The following CDH11 variants were observed in gnomAD, a reference collection of about 807,000 sequenced individuals.
CDH11 encodes cadherin-11.
Under a neutral mutation model 67.8 loss-of-function variants are expected in CDH11, and 11 were observed. The ratio of observed to expected loss-of-function variants is 0.16; its 90% CI spans 0.10 to 0.27. The LOEUF is 0.27. Among genes scored for constraint, CDH11 ranks in the 10% least tolerant of loss-of-function variants. The pLI is 1.00. For synonymous variants in CDH11, 419 were observed against 400.0 expected (o/e 1.05, Z -0.57); for missense variants, 847 against 1,031.2 (o/e 0.82, Z 2.45).
intron 1 of CDH11, among the ~76,000 whole-genome samples, chr16:65,060,350 T>TAGAG (rs781392162): frequency 1.8e-4 from 25 of 140,322 alleles, no homozygotes; most frequent in South Asian, 1.1e-3. Context: ...TATATATATA[T>TAGAG]ATATAGAGAG....
In CDH11 at chr16:64,977,490, C is replaced by T. The variant is rs142045560; in HGVS notation, c.1254-4450G>A. 8.7e-4 allele frequency among the ~76,000 whole-genome samples: 133 copies of T among 152,174 alleles called. 1 individual carries two copies. Among genetic ancestry groups the T allele is most frequent in the African/African-American group, 2.8e-3 (115 of 41,520 alleles). ...CTTCTAAAAAGTTTCTAATGCACCT[C>T]GATATTCTAGGCCAGAGATAACTCA... On this transcript the variant is annotated intron_variant, in intron 8 of 12. Transcript: ENST00000268603.
At chr16:65,056,821 G>T (rs1036112373) in intron 1 of CDH11, among the ~76,000 whole-genome samples, 3 of 152,114 alleles carry the variant, frequency 2.0e-5, no homozygotes, top group Non-Finnish European at 4.4e-5. Context: ...ATCTGTAAAA[G>T]ACCGATCGAA....
chr16:65,057,038 T>C (rs2074155132), intron 1 of CDH11, among the ~76,000 whole-genome samples: 1 of 152,034 alleles, frequency 6.6e-6, no homozygotes, highest in African/African-American at 2.4e-5. Flanking sequence ...AATTATATCA[T>C]GTTTCTTACA....
intron 1 of CDH11, among the ~76,000 whole-genome samples, chr16:65,096,538 T>TAC (rs1326599297): frequency 6.6e-6 from 1 of 151,092 alleles, no homozygotes; most frequent in African/African-American, 2.4e-5. Context: ...TATGTATATA[T>TAC]ACACAAACAC....
intron 7 of CDH11, 94 bp downstream of exon 7, chr16:64,988,063 T>A: frequency 9.7e-7 from 1 of 1,031,164 alleles, no homozygotes; most frequent in Middle Eastern, 2.2e-4. Flanking sequence ...TCGCAAATTC[T>A]CATTTCTTAA....
At chr16:64,948,500 G>A (rs2071254401) in intron 12 of CDH11, 1 of 924,706 alleles carries the variant, frequency 1.1e-6, no homozygotes, top group Non-Finnish European at 1.7e-6. Flanking sequence ...TTAAAAATGA[G>A]GACATGCAGA....
chr16:64,949,530 G>A (rs1304984243), intron 12 of CDH11, among the ~76,000 whole-genome samples: 1 of 150,218 alleles, frequency 6.7e-6, no homozygotes, highest in Non-Finnish European at 1.5e-5. Flanking sequence ...GGGTTCAAGC[G>A]ATTCTCCTGC....
At chr16:65,086,081 T>G (rs1253090116) in intron 1 of CDH11, among the ~76,000 whole-genome samples, 3 of 151,644 alleles carry the variant, frequency 2.0e-5, no homozygotes, top group Non-Finnish European at 3.0e-5. Context: ...GGTAGAACCA[T>G]TCCCTGTTTC....
At chr16:64,998,425 T>A in intron 4 of CDH11, 137 bp downstream of exon 4, 2 of 797,838 alleles carry the variant, frequency 2.5e-6, no homozygotes, top group Non-Finnish European at 4.1e-6. Flanking sequence ...AACAAAAGAA[T>A]TTTTGTTCCT....
chr16:65,020,384 C>T (rs1046841549), intron 2 of CDH11, among the ~76,000 whole-genome samples: 4 of 152,218 alleles, frequency 2.6e-5, no homozygotes, highest in Non-Finnish European at 5.9e-5. Context: ...GGCTGAAGTG[C>T]AGTGGCATGA....
intron 7 of CDH11, chr16:64,985,577 G>T (rs2072466236): frequency 6.6e-6 from 1 of 151,752 alleles, no homozygotes; most frequent in South Asian, 2.1e-4. Flanking sequence ...GCCCCCACAA[G>T]AAGTCATTCA....
Position 64,998,592 on chromosome 16 carries a change from G to A in CDH11, c.493C>T (p.His165Tyr), listed in dbSNP as rs2072835169. 2 of 1,613,986 alleles carry A rather than the reference G, an allele frequency of 1.2e-6. No individual in the cohort carries two copies. Among genetic ancestry groups the A allele is most frequent in the African/African-American group, 1.3e-5 (1 of 74,904 alleles). The change falls in exon 4 of 13, where the codon CAT (histidine) becomes TAT (tyrosine). Residue 165 changes from histidine (H) to tyrosine (Y), a missense_variant. His to Tyr is a moderately conservative substitution (Grantham distance 83, BLOSUM62 2). Transcript: ENST00000268603. ...NPPEFLHETY[H>Y]ANVPERSNVG... ...TTGGACCTCTCAGGCACGTTGGCAT[G>A]ATAGGTCTCGTGCAGGAACTCCGGA...
At chr16:64,968,854 C>T (rs2071919472) in intron 11 of CDH11, among the ~76,000 whole-genome samples, 1 of 152,130 alleles carries the variant, frequency 6.6e-6, no homozygotes, top group Admixed American at 6.5e-5. Flanking sequence ...AATGTGATTA[C>T]TCCTTTTGGA....
At chr16:65,040,582 G>A (rs1430972050) in intron 2 of CDH11, among the ~76,000 whole-genome samples, 2 of 152,060 alleles carry the variant, frequency 1.3e-5, no homozygotes, top group African/African-American at 2.4e-5. Flanking sequence ...GGGAGGGATG[G>A]CATTAGGAGA....
chr16:65,006,206 A>G (rs2073050970), intron 2 of CDH11, among the ~76,000 whole-genome samples: 1 of 152,186 alleles, frequency 6.6e-6, no homozygotes, highest in South Asian at 2.1e-4. Flanking sequence ...TTCACCACCA[A>G]TGTGAGGGAA....
At chr16:65,080,330 T>C (rs1160586680) in intron 1 of CDH11, among the ~76,000 whole-genome samples, 1 of 152,174 alleles carries the variant, frequency 6.6e-6, no homozygotes, top group Non-Finnish European at 1.5e-5. Context: ...CATTCTTGCT[T>C]ATTCCTTTAG....
chr16:65,002,280 T>C (rs1480335378), intron 3 of CDH11, among the ~76,000 whole-genome samples: 3 of 152,148 alleles, frequency 2.0e-5, no homozygotes, highest in African/African-American at 7.2e-5. Flanking sequence ...ACTCCAGAGA[T>C]GCTGAAATGA....
intron 2 of CDH11, among the ~76,000 whole-genome samples, chr16:65,018,888 T>C (rs754597531): frequency 1.3e-5 from 2 of 152,282 alleles, no homozygotes; most frequent in South Asian, 2.1e-4. Context: ...AACACACCAT[T>C]GTCTGTGGAG....
rs1374486969 is a variant in CDH11 at position 65,109,976 on chromosome 16, G to A, written c.-298+11904C>T. 5.3e-5 allele frequency among the ~76,000 whole-genome samples: 8 copies of A among 152,072 alleles called. No individual in the cohort carries two copies. In the South Asian group the frequency reaches 6.2e-4, roughly 12 times the overall value. On this transcript the variant is annotated intron_variant, in intron 1 of 12. Coordinates refer to ENST00000268603, the MANE Select transcript of CDH11 (RefSeq NM_001797.4). Reference sequence around the variant, plus strand: ...AGCTTACTGCAGCCTCGACCTCTCCGGCTCAAGCAATATCTCCCGAGTAGC... The same window carrying A: ...AGCTTACTGCAGCCTCGACCTCTCCAGCTCAAGCAATATCTCCCGAGTAGC...
Sources: gnomAD v4.1 joint callset for allele counts (sites outside exome capture counted in the v4.1 genomes callset) on GRCh38, gnomAD v4.1.1 for gene constraint, MANE v1.5 for transcripts, NCBI Gene and HGNC (gene_info 2026-07-23, HGNC 2026-07-21) for gene names.